Variants in SLAIN1 observed in about 807,000 individuals in gnomAD.
The protein encoded by SLAIN1 is SLAIN family member 1, also known as SLAIN motif-containing protein 1.
SLAIN1 carries 17 observed loss-of-function variants against 55.4 expected under a neutral mutation model. That is an observed-to-expected ratio of 0.31 (90% CI 0.21 to 0.46). SLAIN1 has a LOEUF of 0.46. Among genes scored for constraint, SLAIN1 ranks in the 20% least tolerant of loss-of-function variants. The pLI is 1.00. For synonymous variants in SLAIN1, 348 were observed against 337.4 expected, an observed-to-expected ratio of 1.03 and a Z score of -0.35; for missense variants, 682 against 785.1, an observed-to-expected ratio of 0.87 and a Z score of 1.57.
intron 2 of SLAIN1, among the ~76,000 whole-genome samples, chr13:77,740,525 A>T (rs1442168035): frequency 2.2e-5 from 2 of 90,420 alleles, no homozygotes; most frequent in Non-Finnish European, 4.6e-5. Context: ...AAGTTTGCGA[A>T]CCGCCCCCCC....
chr13:77,739,560 TTAAG>T (rs936061262), intron 2 of SLAIN1, among the ~76,000 whole-genome samples: 2 of 152,106 alleles, frequency 1.3e-5, no homozygotes, highest in Admixed American at 6.6e-5. Flanking sequence ...TTTATGTGAA[TTAAG>T]TAATTGCTTT....
chr13:77,739,533 T>G (rs1382739855), intron 2 of SLAIN1, among the ~76,000 whole-genome samples: 4 of 152,132 alleles, frequency 2.6e-5, no homozygotes, highest in Admixed American at 2.0e-4. Flanking sequence ...TTCTAAGATA[T>G]TAAATCAGTT....
At chr13:77,724,906 G>A (rs955331242) in intron 2 of SLAIN1, among the ~76,000 whole-genome samples, 1 of 152,002 alleles carries the variant, frequency 6.6e-6, no homozygotes, top group Non-Finnish European at 1.5e-5. Context: ...CCGCATTTTT[G>A]AGTAACAGAT....
At chr13:77,713,421 A>G (rs1201861002) in intron 1 of SLAIN1, among the ~76,000 whole-genome samples, 1 of 152,226 alleles carries the variant, frequency 6.6e-6, no homozygotes, top group Non-Finnish European at 1.5e-5. Context: ...CATGAAAAAA[A>G]GCTCATCATC....
chr13:77,717,249 A>G (rs2091216772), intron 1 of SLAIN1, among the ~76,000 whole-genome samples: 1 of 152,080 alleles, frequency 6.6e-6, no homozygotes, highest in African/African-American at 2.4e-5. Flanking sequence ...GACTTTTTAC[A>G]TCTGTGTTCA....
chr13:77,729,621 TTACAATA>T (rs2091338734), intron 2 of SLAIN1, among the ~76,000 whole-genome samples: 1 of 152,018 alleles, frequency 6.6e-6, no homozygotes, highest in Non-Finnish European at 1.5e-5. Flanking sequence ...GATCAGATGA[TTACAATA>T]CATGAAATGT....
chr13:77,712,469 C>A (rs1306017505), intron 1 of SLAIN1, among the ~76,000 whole-genome samples: 1 of 152,090 alleles, frequency 6.6e-6, no homozygotes, highest in Non-Finnish European at 1.5e-5. Flanking sequence ...ACAATTGCTA[C>A]AAAGAGAATA....
At chr13:77,719,103 A>G (rs1478179323) in intron 1 of SLAIN1, among the ~76,000 whole-genome samples, 3 of 152,152 alleles carry the variant, frequency 2.0e-5, no homozygotes, top group Non-Finnish European at 4.4e-5. Flanking sequence ...AAAAATACAC[A>G]TAAGATTTGC....
chr13:77,716,421 G>C (rs1297916665), intron 1 of SLAIN1, among the ~76,000 whole-genome samples: 1 of 151,270 alleles, frequency 6.6e-6, no homozygotes, highest in Non-Finnish European at 1.5e-5. Flanking sequence ...AAAAAAGCTT[G>C]CTGGAATTTC....
chr13:77,717,442 A>C (rs2091219026), intron 1 of SLAIN1, among the ~76,000 whole-genome samples: 1 of 151,974 alleles, frequency 6.6e-6, no homozygotes, highest in South Asian at 2.1e-4. Context: ...TTCTGGGCCC[A>C]GGTTTTTCTT....
chr13:77,699,256 T>G lies in SLAIN1; in HGVS notation c.626+717T>G, dbSNP rs538268879. 37 of 367,426 alleles carry G rather than the reference T, an allele frequency of 1.0e-4. No homozygotes were observed. In the East Asian group the frequency reaches 1.1e-3, roughly 11 times the overall value. The allele number at this position is 367,426 out of a possible 1,614,324, so 22.8% of individuals were successfully genotyped here. On this transcript the variant is annotated intron_variant, in intron 1 of 6. Coordinates refer to ENST00000418532, the MANE Select transcript of SLAIN1 (RefSeq NM_001242868.2). The stretch of plus-strand genomic sequence containing the variant: ...GGACTTTTTTATTTATTTATTTATT[T>G]TTTTACCTAGGAACCAACGAACTGT...
At position 77,698,736 on chromosome 13, in the gene SLAIN1, A is replaced by G. The variant is rs2090999886; in HGVS notation, c.626+197A>G. 3.7e-6 allele frequency: 4 copies of G among 1,090,258 alleles called. No homozygotes were observed. The highest frequency in any genetic ancestry group is 5.0e-6 in the Non-Finnish European group (4 of 805,122). The allele number at this position is 1,090,258 out of a possible 1,614,324, so 67.5% of individuals were successfully genotyped here. A position where few individuals can be genotyped will look rare whatever the true frequency, so the allele number is the denominator to read the frequency against. On this transcript the variant is annotated intron_variant, in intron 1 of 6. Coordinates refer to ENST00000418532, the MANE Select transcript of SLAIN1 (RefSeq NM_001242868.2). This position sits in a 1 kb window ranked among gnomAD's most constrained non-coding sequence, Gnocchi z 4.1. ...GATGAGGCTTCTCATGAAGGCAGAA[A>G]CCTGTTTTCTAATCGCTCCGACTGC...
intron 3 of SLAIN1, among the ~76,000 whole-genome samples, chr13:77,745,470 A>G (rs1205676412): frequency 6.6e-6 from 1 of 152,092 alleles, no homozygotes; most frequent in African/African-American, 2.4e-5. Flanking sequence ...ATTGTGAAAG[A>G]GTAGATAAGT....
In SLAIN1 at chr13:77,698,148, G is replaced by C; in HGVS notation, c.235G>C (p.Gly79Arg). 8.7e-7 allele frequency: 1 copy of C among 1,144,338 alleles called. No homozygotes were observed. Among genetic ancestry groups the C allele is most frequent in the Non-Finnish European group, 1.1e-6 (1 of 931,184 alleles). 70.9% of individuals were successfully genotyped at this position (1,144,338 alleles called of 1,614,324 possible). A position where few individuals can be genotyped will look rare whatever the true frequency, so the allele number is the denominator to read the frequency against. ...GCCCCCCGCTGGCCTGCAGCCTTTG[G>C]GTCCTCGGAGCCCCCCGGCCGCCAC... is the stretch of plus-strand genomic sequence containing the variant. The part of the protein sequence containing the change: ...APPPAGLQPL[G>R]PRSPPAATAT... Residue 79 changes from glycine (G) to arginine (R), a missense_variant, in exon 1 of 7, where the codon GGT becomes CGT. Around this residue, in one of 3 missense-constraint regions of SLAIN1, gnomAD observed 401 missense variants for 417.3 expected, o/e 0.96. Transcript: ENST00000418532. The surrounding 1 kb of genome is among the most constrained non-coding windows in gnomAD (Gnocchi z 4.1).
At position 77,698,372 on chromosome 13, in the gene SLAIN1, A is replaced by G; in HGVS notation, c.459A>G (p.Ala153=). The G allele has an allele frequency of 7.0e-7, 1 of 1,431,644 alleles. No individual in the cohort carries two copies. The highest frequency in any genetic ancestry group is 9.1e-7 in the Non-Finnish European group (1 of 1,092,972). 88.7% of individuals were successfully genotyped at this position (1,431,644 alleles called of 1,614,324 possible). A position where few individuals can be genotyped will look rare whatever the true frequency, so the allele number is the denominator to read the frequency against. The part of the protein sequence containing the change: ...PEAPFVYFKP[A]AGFFGAGGGG... The stretch of plus-strand genomic sequence containing the variant: ...CGCCCTTCGTCTACTTCAAGCCGGC[A>G]GCAGGCTTCTTCGGCGCGGGCGGTG... The change falls in exon 1 of 7, where the codon GCA becomes GCG. Residue 153 remains alanine (A), a synonymous_variant. Transcript: ENST00000418532. The surrounding 1 kb of genome is among the most constrained non-coding windows in gnomAD (Gnocchi z 4.1).
intron 2 of SLAIN1, among the ~76,000 whole-genome samples, chr13:77,738,942 C>A (rs1179683232): frequency 2.6e-5 from 4 of 152,062 alleles, no homozygotes; most frequent in Non-Finnish European, 5.9e-5. Flanking sequence ...TGCCTTCTTG[C>A]ATGGTTTTCC....
chr13:77,739,909 T>G (rs1045865444), intron 2 of SLAIN1, among the ~76,000 whole-genome samples: 1 of 152,062 alleles, frequency 6.6e-6, no homozygotes, highest in African/African-American at 2.4e-5. Context: ...ACTTTGAAAA[T>G]GTACAAAAAA....
intron 1 of SLAIN1, among the ~76,000 whole-genome samples, chr13:77,699,537 T>C (rs2091010526): frequency 6.6e-6 from 1 of 152,172 alleles, no homozygotes; most frequent in African/African-American, 2.4e-5. Context: ...TTCATTACTT[T>C]CTTTGTGTCT....
intron 1 of SLAIN1, among the ~76,000 whole-genome samples, chr13:77,700,900 C>T (rs966314384): frequency 3.3e-4 from 50 of 152,252 alleles, no homozygotes; most frequent in Non-Finnish European, 4.7e-4. Context: ...AAATTATCTT[C>T]CTTGTCCCCA....
Sources: gnomAD v4.1 joint callset for allele counts (sites outside exome capture counted in the v4.1 genomes callset) on GRCh38, gnomAD v4.1.1 for gene constraint, gnomAD v4.1.1 regional missense constraint, Gnocchi (gnomAD v3.1) non-coding constraint, MANE v1.5 for transcripts, NCBI Gene and HGNC (gene_info 2026-07-23, HGNC 2026-07-21) for gene names.